The following SNX27 variants were observed in gnomAD, a reference collection of about 807,000 sequenced individuals.
SNX27 encodes sorting nexin 27.
A neutral mutation model predicts 71.6 loss-of-function variants in SNX27; 22 were observed. The ratio of observed to expected loss-of-function variants is 0.31; its 90% CI spans 0.22 to 0.44. The LOEUF is 0.44. SNX27 is among the 20% of genes least tolerant of loss of function. The pLI, the probability that SNX27 is intolerant of heterozygous loss-of-function variation, is 1.00. For synonymous variants in SNX27, 269 were observed against 277.2 expected (o/e 0.97, Z 0.29); for missense variants, 531 against 698.6 (o/e 0.76, Z 2.70).
At position 151,696,545 on chromosome 1, in the gene SNX27, C is replaced by CGTTCTT. The variant is rs1553267243; in HGVS notation, c.*2128_*2129insGTTCTT. On this transcript the variant is annotated 3_prime_UTR_variant, in exon 12 of 12. Coordinates refer to ENST00000458013, the MANE Select transcript of SNX27 (RefSeq NM_001330723.2). ...TCGTTCTTTCTTTCTTTCTTTCTTT[C>CGTTCTT]TCTTTCTTTCTTTTGCTTTCCTTCT... 9.9e-6 allele frequency: 1 copy of CGTTCTT among 101,448 alleles called. No homozygotes were observed. Among genetic ancestry groups the CGTTCTT allele is most frequent in the Admixed American group, 1.0e-4 (1 of 9,702 alleles). The allele number at this position is 101,448 out of a possible 1,614,324, so 6.3% of individuals were successfully genotyped here. A position where few individuals can be genotyped will look rare whatever the true frequency, so the allele number is the denominator to read the frequency against.
At position 151,664,208 on chromosome 1, in the gene SNX27, A is replaced by AT. The variant is rs67672332; in HGVS notation, c.907-1724dup. Among the ~76,000 whole-genome samples, 581 of 146,664 alleles carry AT rather than the reference A, an allele frequency of 4.0e-3. 6 individuals carry two copies. The highest frequency in any genetic ancestry group is 0.013 in the African/African-American group (506 of 40,332). ...TAATATAATAATATACAAATAATATATATTTAATATATAATGCATTATGAA... is the reference window on the plus strand; with the variant it reads ...TAATATAATAATATACAAATAATATATTATTTAATATATAATGCATTATGAA... On this transcript the variant is annotated intron_variant, in intron 5 of 11. Coordinates refer to ENST00000458013, the MANE Select transcript of SNX27 (RefSeq NM_001330723.2).
chr1:151,683,580 C>T, intron 8 of SNX27, 135 bp downstream of exon 8: 1 of 518,484 alleles, frequency 1.9e-6, no homozygotes, highest in Non-Finnish European at 3.4e-6. Context: ...GAATAGGGAC[C>T]TTGATGCAAA....
intron 7 of SNX27, among the ~76,000 whole-genome samples, chr1:151,670,881 T>G (rs1479986339): frequency 2.0e-5 from 3 of 152,176 alleles, no homozygotes; most frequent in African/African-American, 7.2e-5. Context: ...CTGGAGAGTT[T>G]CCCTGATTTT....
Position 151,612,602 on chromosome 1 carries a change from C to G in SNX27, c.311+90C>G, listed in dbSNP as rs1421681464. On this transcript the variant is annotated intron_variant, in intron 1 of 11. Transcript: ENST00000458013. This position sits in a 1 kb window ranked among gnomAD's most constrained non-coding sequence, Gnocchi z 5.2. The stretch of plus-strand genomic sequence containing the variant: ...TACCCTTGTCACCCCCAGGCCGCAC[C>G]TCCCCCGAGCTCCGAGCCGGCCTCC... The G allele has an allele frequency of 2.0e-6, 2 of 1,021,120 alleles. No homozygotes were observed. The highest frequency in any genetic ancestry group is 4.3e-5 in the Admixed American group (1 of 23,364). 63.3% of individuals were successfully genotyped at this position (1,021,120 alleles called of 1,614,324 possible).
intron 1 of SNX27, among the ~76,000 whole-genome samples, chr1:151,630,767 C>G (rs1030913429): frequency 2.0e-5 from 3 of 152,218 alleles, no homozygotes; most frequent in African/African-American, 7.2e-5. Context: ...GGCACGGTGG[C>G]TCACGCCTGT....
intron 8 of SNX27, among the ~76,000 whole-genome samples, chr1:151,691,646 A>G (rs1390798706): frequency 6.6e-6 from 1 of 150,728 alleles, no homozygotes; most frequent in Non-Finnish European, 1.5e-5. Context: ...AATTTTTTGT[A>G]TTTTTAGGTA....
At chr1:151,657,976 G>A (rs12732720) in intron 2 of SNX27, among the ~76,000 whole-genome samples, 6 of 152,038 alleles carry the variant, frequency 3.9e-5, no homozygotes, top group African/African-American at 1.4e-4. Context: ...ACTCCAGCCC[G>A]GGCAACAGAG....
chr1:151,620,223 T>C (rs1667608820), intron 1 of SNX27, among the ~76,000 whole-genome samples: 1 of 152,228 alleles, frequency 6.6e-6, no homozygotes. Flanking sequence ...GCTTTGAATG[T>C]AATCCCAAGA....
rs1424977950 is a variant in SNX27, at chr1:151,692,534, A to G, written c.1339A>G (p.Ser447Gly). Residue 447 changes from serine to glycine, a missense_variant, in exon 9 of 12, where the codon AGC (serine) becomes GGC (glycine). Physicochemically the swap from Ser to Gly is moderately conservative, Grantham distance 56. Coordinates refer to ENST00000458013, the MANE Select transcript of SNX27 (RefSeq NM_001330723.2). ...GAAGGGGCACGTTATCACAGCCATC[A>G]GCATCACGCACTTTAAACTGCATGC... Reference protein sequence around the residue: ...RRKGHVITAISITHFKLHACT... With the variant: ...RRKGHVITAIGITHFKLHACT... 8 of 1,612,060 alleles carry G rather than the reference A, an allele frequency of 5.0e-6. No individual in the cohort carries two copies. Among genetic ancestry groups the G allele is most frequent in the Non-Finnish European group, 6.8e-6 (8 of 1,179,818 alleles).
At position 151,697,176 on chromosome 1, in the gene SNX27, G is replaced by A. The variant is rs1671794448; in HGVS notation, c.*2759G>A. 1 of 152,142 alleles carries A rather than the reference G, an allele frequency of 6.6e-6. No individual in the cohort carries two copies. The highest frequency in any genetic ancestry group is 2.4e-5 in the African/African-American group (1 of 41,414). The allele number at this position is 152,142 out of a possible 1,614,324, so 9.4% of individuals were successfully genotyped here. ...TTTGACTTAAATGAATTTAAAATGA[G>A]CCAAAGGACCCTGAAAAGAAGACAT... On this transcript the variant is annotated 3_prime_UTR_variant, in exon 12 of 12. Coordinates refer to ENST00000458013, the MANE Select transcript of SNX27 (RefSeq NM_001330723.2).
Position 151,662,195 on chromosome 1 carries a change from G to C in SNX27, c.831G>C (p.Leu277=). ...ENYNGVSDVE[L]RVALPDGTTV... is the part of the protein sequence containing the mutation. ...ACAATGGTGTGTCCGACGTAGAGCT[G>C]AGAGTAGCATTACCAGATGGAACAA... The change falls in exon 5 of 12, where the codon CTG becomes CTC. Residue 277 remains leucine, a synonymous_variant. Transcript: ENST00000458013. 2 of 1,613,662 alleles carry C rather than the reference G, an allele frequency of 1.2e-6. No individual in the cohort carries two copies. Among genetic ancestry groups the C allele is most frequent in the Admixed American group, 3.3e-5 (2 of 60,014 alleles).
intron 8 of SNX27, among the ~76,000 whole-genome samples, chr1:151,686,111 C>A (rs1035709351): frequency 1.2e-4 from 18 of 152,196 alleles, no homozygotes; most frequent in African/African-American, 4.3e-4. Flanking sequence ...CTAAAGCCAA[C>A]AGAGTTTTCT....
chr1:151,683,175 A>G (rs906671570), intron 7 of SNX27, among the ~76,000 whole-genome samples, 181 bp from the exon 8 acceptor site: 1 of 152,122 alleles, frequency 6.6e-6, no homozygotes, highest in African/African-American at 2.4e-5. Flanking sequence ...TTGAGATGAG[A>G]TTTGAGTGGA....
At chr1:151,672,362 G>T (rs1318594970) in intron 7 of SNX27, among the ~76,000 whole-genome samples, 1 of 152,064 alleles carries the variant, frequency 6.6e-6, no homozygotes, top group Non-Finnish European at 1.5e-5. Flanking sequence ...TGCTCATGAT[G>T]ATTTTTTAAA....
chr1:151,645,207 G>GA (rs928137111), intron 2 of SNX27, among the ~76,000 whole-genome samples: 31 of 152,294 alleles, frequency 2.0e-4, no homozygotes, highest in African/African-American at 7.2e-4. Flanking sequence ...CATCATTGTG[G>GA]AAAATCAATT....
intron 2 of SNX27, among the ~76,000 whole-genome samples, chr1:151,651,261 C>A (rs1176545437): frequency 6.7e-6 from 1 of 148,924 alleles, no homozygotes; most frequent in Non-Finnish European, 1.5e-5. Flanking sequence ...CCAGACGGGG[C>A]GGCTGGCCTG....
chr1:151,625,315 G>A (rs1667875217), intron 1 of SNX27, among the ~76,000 whole-genome samples: 2 of 152,178 alleles, frequency 1.3e-5, no homozygotes, highest in South Asian at 4.1e-4. Context: ...AGACTAGCCT[G>A]GCCAACATGG....
At position 151,612,121 on chromosome 1, in the gene SNX27, TC is replaced by T. The variant is rs1341216429; in HGVS notation, c.-79del. 4.7e-6 allele frequency: 6 copies of T among 1,264,496 alleles called. No homozygotes were observed. The highest frequency in any genetic ancestry group is 6.0e-6 in the Non-Finnish European group (6 of 999,818). 78.3% of individuals were successfully genotyped at this position (1,264,496 alleles called of 1,614,324 possible). On this transcript the variant is annotated 5_prime_UTR_variant, in exon 1 of 12. Coordinates refer to ENST00000458013, the MANE Select transcript of SNX27 (RefSeq NM_001330723.2). The surrounding 1 kb of genome is among the most constrained non-coding windows in gnomAD (Gnocchi z 5.2). ...GATCGGGCGCGCGCGTCGGGGGTCG[TC>T]CGGCTGCCAGGCAGGGCGAGCACGC...
At chr1:151,674,026 C>T (rs1670556354) in intron 7 of SNX27, among the ~76,000 whole-genome samples, 1 of 152,014 alleles carries the variant, frequency 6.6e-6, no homozygotes, top group East Asian at 1.9e-4. Flanking sequence ...AGAGTTTAGT[C>T]CATTTGCATT....
Sources: gnomAD v4.1 joint callset for allele counts (sites outside exome capture counted in the v4.1 genomes callset) on GRCh38, gnomAD v4.1.1 for gene constraint, Gnocchi (gnomAD v3.1) non-coding constraint, MANE v1.5 for transcripts, NCBI Gene and HGNC (gene_info 2026-07-23, HGNC 2026-07-21) for gene names.